LRRC8B: variants seen among roughly 807,000 people sequenced by gnomAD.
LRRC8B encodes the protein volume-regulated anion channel subunit LRRC8B.
In LRRC8B, 23 loss-of-function variants were observed where a neutral mutation model predicts 58.8. The ratio of observed to expected loss-of-function variants is 0.39; its 90% confidence interval spans 0.28 to 0.55. The LOEUF (loss-of-function observed/expected upper bound fraction) is 0.55. LRRC8B is among the 20% of genes least tolerant of loss of function. The pLI is 0.62. For missense variants in LRRC8B, 694 were observed against 936.0 expected, an observed-to-expected ratio of 0.74 and a Z score of 3.37; for synonymous variants, 359 against 374.1, an observed-to-expected ratio of 0.96 and a Z score of 0.47.
intron 1 of LRRC8B, among the ~76,000 whole-genome samples, chr1:89,531,084 T>C (rs1650098233): frequency 6.6e-6 from 1 of 152,192 alleles, no homozygotes; most frequent in East Asian, 1.9e-4. Context: ...AGTGGACAAA[T>C]TTAAGATAAA....
intron 5 of LRRC8B, among the ~76,000 whole-genome samples, chr1:89,586,496 C>T (rs192913917): frequency 7.9e-5 from 12 of 152,250 alleles, no homozygotes; most frequent in Admixed American, 3.9e-4. Flanking sequence ...CAATTGTTAG[C>T]TGGCCATGCA....
intron 1 of LRRC8B, among the ~76,000 whole-genome samples, chr1:89,562,777 T>C (rs1652779409): frequency 6.6e-6 from 1 of 152,064 alleles, no homozygotes. Flanking sequence ...ACCATATTGC[T>C]ATTTAGTAAA....
chr1:89,575,874 C>A lies in LRRC8B; in HGVS notation c.-124-3717C>A, dbSNP rs115633396. Among the ~76,000 whole-genome samples the A allele has an allele frequency of 8.8e-3, 1,335 of 152,176 alleles. 22 individuals carry two copies. The highest frequency in any genetic ancestry group is 0.031 in the African/African-American group (1,284 of 41,524). ...TTTAATTTCCCTTGACTATTTTATT[C>A]TTTGCTTTCTTTTTAAACATATTGT... On this transcript the variant is annotated intron_variant, in intron 3 of 5. Coordinates refer to ENST00000330947, the MANE Select transcript of LRRC8B (RefSeq NM_001369817.2).
chr1:89,540,505 C>A (rs1299229085), intron 1 of LRRC8B, among the ~76,000 whole-genome samples: 4 of 152,212 alleles, frequency 2.6e-5, no homozygotes, highest in South Asian at 4.1e-4. Flanking sequence ...ACAGTGTAAC[C>A]TTCCCCAGTC....
intron 5 of LRRC8B, among the ~76,000 whole-genome samples, chr1:89,592,431 T>A (rs1380932491): frequency 6.6e-6 from 1 of 152,218 alleles, no homozygotes; most frequent in East Asian, 1.9e-4. Context: ...GTAATTATGA[T>A]TTTTCTTACT....
rs74652839 is a variant in LRRC8B at position 89,572,680 on chromosome 1, CTGTGG to C, written c.-125+4191_-125+4195del. On this transcript the variant is annotated intron_variant, in intron 3 of 5. Coordinates refer to ENST00000330947, the MANE Select transcript of LRRC8B (RefSeq NM_001369817.2). The stretch of plus-strand genomic sequence containing the variant: ...TGTTCTACGTATTATGGCTTGCTTA[CTGTGG>C]TGTTGGGGGGTGGTCAGGAAAATAG... 762 of 152,228 alleles carry C rather than the reference CTGTGG, an allele frequency of 5.0e-3. 25 individuals carry two copies. Among genetic ancestry groups the C allele is most frequent in the Admixed American group, 0.038 (573 of 15,272 alleles). The allele number at this position is 152,228 out of a possible 1,614,324, so 9.4% of individuals were successfully genotyped here.
intron 1 of LRRC8B, among the ~76,000 whole-genome samples, chr1:89,539,183 AT>A (rs1224401187): frequency 2.6e-5 from 4 of 152,182 alleles, no homozygotes; most frequent in Non-Finnish European, 5.9e-5. Flanking sequence ...CCCTTAATGC[AT>A]TGACAACTCT....
At chr1:89,540,160 T>A (rs1650848998) in intron 1 of LRRC8B, among the ~76,000 whole-genome samples, 1 of 152,208 alleles carries the variant, frequency 6.6e-6, no homozygotes, top group South Asian at 2.1e-4. Flanking sequence ...TTAAGTTTAT[T>A]ATTTTTTAAG....
At chr1:89,547,677 G>T (rs1651509348) in intron 1 of LRRC8B, among the ~76,000 whole-genome samples, 1 of 152,100 alleles carries the variant, frequency 6.6e-6, no homozygotes, top group African/African-American at 2.4e-5. Flanking sequence ...ATAGGTCATT[G>T]ATTTTAAAGA....
chr1:89,525,434 C>A (rs546860635), intron 1 of LRRC8B, among the ~76,000 whole-genome samples: 1 of 152,366 alleles, frequency 6.6e-6, no homozygotes. Context: ...AGCGCAACTC[C>A]CCTGAGGGTG....
chr1:89,546,446 G>T (rs749166848), intron 1 of LRRC8B, among the ~76,000 whole-genome samples: 25 of 152,166 alleles, frequency 1.6e-4, no homozygotes, highest in Admixed American at 1.6e-3. Context: ...AGTTTCAATG[G>T]TGGGATATAT....
chr1:89,542,008 A>G (rs896584978), intron 1 of LRRC8B, among the ~76,000 whole-genome samples: 1 of 152,206 alleles, frequency 6.6e-6, no homozygotes, highest in African/African-American at 2.4e-5. Flanking sequence ...AAAATTTTTT[A>G]ATGTAATATA....
In LRRC8B at chr1:89,538,721, G is replaced by T. The variant is rs371724819; in HGVS notation, c.-241+13699G>T. Among the ~76,000 whole-genome samples the T allele has an allele frequency of 8.1e-4, 122 of 151,056 alleles. 1 individual carries two copies. The highest frequency in any genetic ancestry group is 4.0e-3 in the South Asian group (19 of 4,800). On this transcript the variant is annotated intron_variant, in intron 1 of 5. Transcript: ENST00000330947. ...ATTAGCATCTTCGAGGTTTTTTTTT[G>T]TTTGTTTGTTTGTTTTTTAGACAGA...
chr1:89,556,888 C>T (rs376325728), intron 1 of LRRC8B, among the ~76,000 whole-genome samples: 3 of 152,238 alleles, frequency 2.0e-5, no homozygotes, highest in Non-Finnish European at 4.4e-5. Context: ...TCATTCCCCA[C>T]ACCTTCCTCC....
intron 1 of LRRC8B, among the ~76,000 whole-genome samples, chr1:89,547,485 C>T (rs955223568): frequency 2.6e-5 from 4 of 152,034 alleles, no homozygotes; most frequent in Non-Finnish European, 5.9e-5. Context: ...TTAAAATTTT[C>T]CATAATAAAA....
intron 1 of LRRC8B, among the ~76,000 whole-genome samples, chr1:89,567,222 C>A (rs1447876494): frequency 3.3e-5 from 5 of 152,196 alleles, no homozygotes; most frequent in Non-Finnish European, 2.9e-5. Flanking sequence ...TCATTTCATT[C>A]TTCCAACTTG....
intron 1 of LRRC8B, among the ~76,000 whole-genome samples, chr1:89,542,919 G>A (rs897764854): frequency 6.6e-6 from 1 of 152,134 alleles, no homozygotes; most frequent in East Asian, 1.9e-4. Context: ...GACCTATTAA[G>A]GCAAGCTCCA....
intron 1 of LRRC8B, among the ~76,000 whole-genome samples, chr1:89,543,662 A>T: frequency 6.9e-6 from 1 of 145,678 alleles, no homozygotes; most frequent in East Asian, 2.0e-4. Flanking sequence ...GCCCTGGCTA[A>T]TTTTTTTTTT....
At chr1:89,542,484 C>T (rs548865978) in intron 1 of LRRC8B, among the ~76,000 whole-genome samples, 21 of 152,250 alleles carry the variant, frequency 1.4e-4, no homozygotes, top group Admixed American at 2.6e-4. Flanking sequence ...CACATAACAG[C>T]CACTAAATAT....
Sources: gnomAD v4.1 joint callset for allele counts (sites outside exome capture counted in the v4.1 genomes callset) on GRCh38, gnomAD v4.1.1 for gene constraint, MANE v1.5 for transcripts, NCBI Gene and HGNC (gene_info 2026-07-23, HGNC 2026-07-21) for gene names.